The following SUN3 variants were observed in gnomAD, a reference collection of about 807,000 sequenced individuals.
SUN3 encodes the protein SUN domain-containing protein 3.
Under a neutral mutation model 48.2 loss-of-function variants are expected in SUN3, and 36 were observed. The observed-to-expected ratio is 0.75, with a 90% CI of 0.57 to 0.99. The LOEUF (loss-of-function observed/expected upper bound fraction) is 0.99. SUN3 is among the 50% of genes least tolerant of loss of function. The pLI is 0.00. For synonymous variants in SUN3, 148 were observed against 147.9 expected (o/e 1.00, Z 0.00); for missense variants, 419 against 433.1 (o/e 0.97, Z 0.29).
chr7:48,017,427 T>G, intron 2 of SUN3, 62 bp from the exon 3 acceptor site: 1 of 904,822 alleles, frequency 1.1e-6, no homozygotes, highest in South Asian at 1.5e-5. Flanking sequence ...ATATTTTACA[T>G]GTATTCATAA....
intron 3 of SUN3, among the ~76,000 whole-genome samples, chr7:48,016,493 G>C (rs1219654441): frequency 6.6e-6 from 1 of 152,164 alleles, no homozygotes; most frequent in Non-Finnish European, 1.5e-5. Context: ...TCTGAGCATA[G>C]AATGGACAAG....
chr7:47,989,076 T>A (rs1788978564), intron 8 of SUN3, 196 bp from the exon 9 acceptor site: 1 of 404,790 alleles, frequency 2.5e-6, no homozygotes, highest in African/African-American at 2.0e-5. Context: ...CGGGACTGAC[T>A]AAAAGGATAG....
chr7:48,028,479 C>A (rs1435761600), intron 1 of SUN3, among the ~76,000 whole-genome samples: 1,574 of 45,088 alleles, frequency 0.035, no homozygotes, highest in African/African-American at 0.046. Context: ...AGCCCAATGA[C>A]AAAAAAAAAA....
At chr7:47,988,997 T>A in intron 8 of SUN3, 117 bp from the exon 9 acceptor site, 1 of 630,822 alleles carries the variant, frequency 1.6e-6, no homozygotes, top group African/African-American at 1.8e-5. Flanking sequence ...AGTGCTGTGA[T>A]CATGCCAGTA....
chr7:48,003,425 T>A (rs1789443324), intron 6 of SUN3, among the ~76,000 whole-genome samples: 1 of 152,240 alleles, frequency 6.6e-6, no homozygotes, highest in African/African-American at 2.4e-5. Context: ...TTAAAATAGT[T>A]TTATCTAGTT....
chr7:48,021,968 C>T (rs1458976774), intron 2 of SUN3, among the ~76,000 whole-genome samples: 2 of 152,090 alleles, frequency 1.3e-5, no homozygotes, highest in Non-Finnish European at 2.9e-5. Flanking sequence ...GATATCTGCG[C>T]TCCCATTTGT....
At chr7:47,992,582 A>G (rs1184129241) in intron 8 of SUN3, among the ~76,000 whole-genome samples, 1 of 152,154 alleles carries the variant, frequency 6.6e-6, no homozygotes, top group Non-Finnish European at 1.5e-5. Flanking sequence ...TAAATTAGAC[A>G]GTAAGTTGAA....
At chr7:48,032,527 T>A (rs1220347976), upstream of SUN3, among the ~76,000 whole-genome samples, 1 of 152,240 alleles carries the variant, frequency 6.6e-6, no homozygotes, top group African/African-American at 2.4e-5. Context: ...GTCTCTCTCC[T>A]GTGTGAAGAG....
chr7:47,988,799 A>C lies in SUN3; in HGVS notation c.943T>G (p.Phe315Val). 6.2e-7 allele frequency: 1 copy of C among 1,602,428 alleles called. No individual in the cohort carries two copies. Among genetic ancestry groups the C allele is most frequent in the Non-Finnish European group, 8.5e-7 (1 of 1,172,858 alleles). ...YNKTGTTVQT[F>V]ELQHAVSEYL... is the part of the protein sequence containing the mutation. ...AGAGCATACATTACCTGGAGTTCAA[A>C]TGTTTGAACGGTGGTTCCTGTTTTG... The change falls in exon 9 of 10, where the codon TTT (phenylalanine) becomes GTT (valine). Residue 315 changes from phenylalanine to valine, a missense_variant. Coordinates refer to ENST00000297325, the MANE Select transcript of SUN3 (RefSeq NM_001030019.2).
At chr7:48,006,079 C>A (rs558500033) in intron 5 of SUN3, 26 bp from the exon 6 acceptor site, 1 of 1,482,498 alleles carries the variant, frequency 6.7e-7, no homozygotes, top group Non-Finnish European at 9.3e-7. Context: ...AAACAGTTTT[C>A]TGTTAACAAT....
intron 6 of SUN3, among the ~76,000 whole-genome samples, chr7:47,996,374 A>G (rs763502184): frequency 6.6e-6 from 1 of 151,704 alleles, no homozygotes; most frequent in Non-Finnish European, 1.5e-5. Flanking sequence ...AAAATGTATG[A>G]TTAAAAAAAT....
chr7:48,029,902 C>T (rs183350450), upstream of SUN3, among the ~76,000 whole-genome samples: 263 of 152,180 alleles, frequency 1.7e-3, 1 homozygote, highest in African/African-American at 5.6e-3. Context: ...CAATTTCTCG[C>T]GTAGTTTTTA....
At chr7:48,016,272 C>T (rs1789810526) in intron 3 of SUN3, among the ~76,000 whole-genome samples, 1 of 152,184 alleles carries the variant, frequency 6.6e-6, no homozygotes, top group Non-Finnish European at 1.5e-5. Flanking sequence ...ACCTGCCAAA[C>T]TATCTTTAAA....
intron 3 of SUN3, among the ~76,000 whole-genome samples, chr7:48,014,560 T>A (rs1789760971): frequency 6.6e-6 from 1 of 152,136 alleles, no homozygotes; most frequent in Non-Finnish European, 1.5e-5. Flanking sequence ...GTGGTTTGTG[T>A]GGTCACAGAA....
intron 4 of SUN3, 148 bp from the exon 5 acceptor site, chr7:48,007,475 T>C: frequency 1.4e-6 from 1 of 704,804 alleles, no homozygotes; most frequent in Non-Finnish European, 2.3e-6. Context: ...GCATGCCCAT[T>C]TCTCTAAAGC....
At chr7:48,014,040 A>T (rs1789746738) in intron 3 of SUN3, among the ~76,000 whole-genome samples, 1 of 152,178 alleles carries the variant, frequency 6.6e-6, no homozygotes, top group Non-Finnish European at 1.5e-5. Context: ...AGCACAGCTG[A>T]CTGCAGCCTC....
At chr7:47,990,080 C>A (rs1022374692) in intron 8 of SUN3, among the ~76,000 whole-genome samples, 15 of 152,098 alleles carry the variant, frequency 9.9e-5, no homozygotes, top group Non-Finnish European at 1.9e-4. Context: ...CATCCCCCAG[C>A]CCGACACCCG....
At chr7:48,010,079 C>T (rs1251379883) in intron 3 of SUN3, among the ~76,000 whole-genome samples, 3 of 151,962 alleles carry the variant, frequency 2.0e-5, no homozygotes, top group East Asian at 3.9e-4. Context: ...CTGTCTTTAC[C>T]CAGCATGAGA....
Position 48,007,286 on chromosome 7 carries a change from A to G in SUN3, c.371T>C (p.Leu124Pro), listed in dbSNP as rs763409732. ...GACATCTATTTGTTCGATCAAAAAT[A>G]GAATTTGACGAAAATTGTTTTCCAG... ...QNLENNFRQILFLIEQIDVLK... is the reference protein window; with the variant it reads ...QNLENNFRQIPFLIEQIDVLK... Residue 124 changes from leucine (L) to proline (P), a missense_variant, in exon 5 of 10, where the codon CTA becomes CCA. Coordinates refer to ENST00000297325, the MANE Select transcript of SUN3 (RefSeq NM_001030019.2). 2 of 1,614,150 alleles carry G rather than the reference A, an allele frequency of 1.2e-6. No individual in the cohort carries two copies.
Sources: gnomAD v4.1 joint callset for allele counts (sites outside exome capture counted in the v4.1 genomes callset) on GRCh38, gnomAD v4.1.1 for gene constraint, MANE v1.5 for transcripts, NCBI Gene and HGNC (gene_info 2026-07-23, HGNC 2026-07-21) for gene names.